Variants in EPC2 observed in about 807,000 individuals in gnomAD.
EPC2 encodes enhancer of polycomb 2, also known as enhancer of polycomb homolog 2.
Under a neutral mutation model 92.1 loss-of-function variants are expected in EPC2, and 14 were observed. The ratio of observed to expected loss-of-function variants is 0.15; its 90% CI spans 0.10 to 0.24. The LOEUF (loss-of-function observed/expected upper bound fraction) is 0.24, where lower values mean the gene tolerates loss of function less well. EPC2 is among the 10% of genes least tolerant of loss of function. EPC2 has a pLI of 1.00. For missense variants in EPC2, 755 were observed against 971.5 expected (o/e 0.78, Z 2.96); for synonymous variants, 340 against 334.7 (o/e 1.02, Z -0.17).
chr2:148,783,512 C>T (rs2105442223), intron 11 of EPC2, 85 bp from the exon 12 acceptor site: 1 of 1,282,398 alleles, frequency 7.8e-7, no homozygotes, highest in Non-Finnish European at 1.1e-6. Flanking sequence ...AGAAAGGCAA[C>T]AGCCTCTTGG....
At chr2:148,663,271 A>G (rs1046230697) in intron 1 of EPC2, among the ~76,000 whole-genome samples, 2 of 149,428 alleles carry the variant, frequency 1.3e-5, no homozygotes, top group Admixed American at 6.7e-5. Context: ...CAAGCTGGAA[A>G]GCAGTGGCGC....
At chr2:148,721,344 C>T (rs1277435009) in intron 2 of EPC2, among the ~76,000 whole-genome samples, 1 of 151,406 alleles carries the variant, frequency 6.6e-6, no homozygotes, top group African/African-American at 2.4e-5. Context: ...TTTTTTAACT[C>T]AACACATGAA....
chr2:148,764,845 A>G (rs963124867), intron 6 of EPC2, 110 bp from the exon 7 acceptor site: 2 of 843,708 alleles, frequency 2.4e-6, no homozygotes, highest in African/African-American at 3.5e-5. Flanking sequence ...AAACAATAAA[A>G]TCACCTCCTG....
At chr2:148,766,628 C>T (rs780232648) in intron 7 of EPC2, among the ~76,000 whole-genome samples, 3 of 152,062 alleles carry the variant, frequency 2.0e-5, no homozygotes, top group Non-Finnish European at 4.4e-5. Flanking sequence ...GGGTTCTAGG[C>T]ACAGCATATT....
At chr2:148,781,334 T>C (rs1683743203) in intron 10 of EPC2, among the ~76,000 whole-genome samples, 1 of 152,150 alleles carries the variant, frequency 6.6e-6, no homozygotes, top group Non-Finnish European at 1.5e-5. Context: ...CTCCATAATA[T>C]AGAGAATTAA....
chr2:148,780,903 T>G (rs1683735136), intron 10 of EPC2, among the ~76,000 whole-genome samples: 1 of 152,208 alleles, frequency 6.6e-6, no homozygotes, highest in South Asian at 2.1e-4. Flanking sequence ...TACATTTCTT[T>G]GAGAAAAGTG....
At chr2:148,766,768 A>G (rs1436986281) in intron 7 of EPC2, among the ~76,000 whole-genome samples, 1 of 152,248 alleles carries the variant, frequency 6.6e-6, no homozygotes, top group Admixed American at 6.5e-5. Flanking sequence ...ACATACTGGG[A>G]AATTATTTAA....
intron 11 of EPC2, among the ~76,000 whole-genome samples, chr2:148,782,492 G>A (rs955228790): frequency 3.3e-5 from 5 of 151,232 alleles, no homozygotes; most frequent in East Asian, 3.9e-4. Context: ...AGCTAAGATC[G>A]CACCACTGCA....
At chr2:148,675,192 T>C (rs535536836) in intron 1 of EPC2, among the ~76,000 whole-genome samples, 1 of 152,256 alleles carries the variant, frequency 6.6e-6, no homozygotes, top group Non-Finnish European at 1.5e-5. Context: ...ATTGTAGTCT[T>C]TATTTCTGAG....
chr2:148,653,014 G>T (rs948900685), intron 1 of EPC2, among the ~76,000 whole-genome samples: 1 of 152,182 alleles, frequency 6.6e-6, no homozygotes, highest in Non-Finnish European at 1.5e-5. Context: ...GTAATGGTGT[G>T]TGTGTGAATT....
chr2:148,668,602 A>G (rs1315731296), intron 1 of EPC2, among the ~76,000 whole-genome samples: 1 of 152,196 alleles, frequency 6.6e-6, no homozygotes, highest in Non-Finnish European at 1.5e-5. Flanking sequence ...TTTAAAGTTC[A>G]GTTTCTTTAA....
At chr2:148,670,285 G>A (rs1028612503) in intron 1 of EPC2, among the ~76,000 whole-genome samples, 23 of 151,794 alleles carry the variant, frequency 1.5e-4, no homozygotes, top group Admixed American at 5.9e-4. Context: ...TTACTTTGTC[G>A]GGGTATTTTG....
chr2:148,764,086 A>G (rs115197266), intron 6 of EPC2, among the ~76,000 whole-genome samples: 1 of 152,302 alleles, frequency 6.6e-6, no homozygotes, highest in African/African-American at 2.4e-5. Flanking sequence ...TTTTGATGTA[A>G]TAGTTATACC....
chr2:148,671,643 T>C (rs1681157663), intron 1 of EPC2, among the ~76,000 whole-genome samples: 1 of 152,130 alleles, frequency 6.6e-6, no homozygotes, highest in African/African-American at 2.4e-5. Flanking sequence ...TCTATGGTCA[T>C]ATTTAATTTT....
intron 10 of EPC2, among the ~76,000 whole-genome samples, chr2:148,775,658 A>AAATAAAATAAAATTAAATTTAATTT (rs1553450998): frequency 7.6e-4 from 106 of 138,586 alleles, no homozygotes; most frequent in Admixed American, 1.9e-3. Context: ...TCTTTAAATA[A>AAATAAAATAAAATTAAATTTAATTT]AATTAAATAA....
At chr2:148,774,619 A>AT (rs1683588741) in intron 10 of EPC2, among the ~76,000 whole-genome samples, 1 of 111,840 alleles carries the variant, frequency 8.9e-6, no homozygotes, top group Non-Finnish European at 1.9e-5. Flanking sequence ...AAAAAAAAAT[A>AT]TATTTTATAT....
chr2:148,748,049 G>T (rs1265188302), intron 3 of EPC2, among the ~76,000 whole-genome samples: 3 of 152,028 alleles, frequency 2.0e-5, no homozygotes, highest in Admixed American at 6.6e-5. Flanking sequence ...TCGTGAGAGT[G>T]GATTTTCCCC....
intron 10 of EPC2, among the ~76,000 whole-genome samples, chr2:148,778,365 C>G (rs1420918034): frequency 3.3e-5 from 5 of 152,178 alleles, no homozygotes; most frequent in Non-Finnish European, 7.4e-5. Flanking sequence ...CATTCTGAAA[C>G]AGATTTGTTC....
chr2:148,716,769 A>AG (rs1203878227), intron 2 of EPC2, among the ~76,000 whole-genome samples: 3 of 152,166 alleles, frequency 2.0e-5, no homozygotes, highest in South Asian at 2.1e-4. Flanking sequence ...TGAACTAGGG[A>AG]GGAGTCCCTC....
Sources: allele counts gnomAD v4.1 joint callset (sites outside exome capture counted in the v4.1 genomes callset), GRCh38; gene constraint gnomAD v4.1.1; transcripts MANE v1.5; gene names NCBI Gene and HGNC (gene_info 2026-07-23, HGNC 2026-07-21).